EGFR: variants seen among roughly 807,000 people sequenced by gnomAD.
The protein encoded by EGFR is avian erythroblastic leukemia viral (v-erb-b) oncogene homolog.
In EGFR, 58 loss-of-function variants were observed where a neutral mutation model predicts 143.0. The ratio of observed to expected loss-of-function variants is 0.41; its 90% CI spans 0.33 to 0.50. EGFR has a LOEUF of 0.50. Among genes scored for constraint, EGFR ranks in the 20% least tolerant of loss-of-function variants. The probability of loss-of-function intolerance (pLI) is 0.39; values close to 1 mark genes in which losing one functional copy is unlikely to be tolerated. For synonymous variants in EGFR, 613 were observed against 594.4 expected (o/e 1.03, Z -0.45); for missense variants, 1,307 against 1,579.0 (o/e 0.83, Z 2.92).
In EGFR at chr7:55,200,384, C is replaced by T. The variant is rs748491031; in HGVS notation, c.2917C>T (p.Arg973Ter). ...ELIIEFSKMA[R>*]DPQRYLVIQG... ...GATCATCGAATTCTCCAAAATGGCC[C>T]GAGACCCCCAGCGCTACCTTGTCAT... Residue 973 changes from arginine to a stop codon, truncating the protein, a stop_gained, in exon 24 of 28, where the codon CGA becomes TGA. Transcript: ENST00000275493. LOFTEE classifies it high-confidence loss of function. 1.2e-6 allele frequency: 2 copies of T among 1,613,988 alleles called. No homozygotes were observed. The highest frequency in any genetic ancestry group is 1.3e-5 in the African/African-American group (1 of 74,876).
chr7:55,155,131 G>A (rs976337262), intron 7 of EGFR, among the ~76,000 whole-genome samples: 3 of 152,198 alleles, frequency 2.0e-5, no homozygotes, highest in East Asian at 1.9e-4. Context: ...GGATCTTCTT[G>A]GGGAACTTAA....
chr7:55,023,574 C>A (rs1323943377), intron 1 of EGFR, among the ~76,000 whole-genome samples: 2 of 148,966 alleles, frequency 1.3e-5, no homozygotes, highest in African/African-American at 5.0e-5. Context: ...TTGCTTGAAC[C>A]CAGGAGGCAG....
At chr7:55,062,149 A>T (rs1789222384) in intron 1 of EGFR, among the ~76,000 whole-genome samples, 1 of 152,202 alleles carries the variant, frequency 6.6e-6, no homozygotes, top group Admixed American at 6.5e-5. Flanking sequence ...GGCTAGAAAG[A>T]TGGGGAAGGA....
In EGFR at chr7:55,176,720, A is replaced by G. The variant is rs891431659; in HGVS notation, c.2283+1900A>G. 1.5e-4 allele frequency among the ~76,000 whole-genome samples: 22 copies of G among 151,298 alleles called. No individual in the cohort carries two copies. In the East Asian group the frequency reaches 3.9e-3, roughly 27 times the overall value. On this transcript the variant is annotated intron_variant, in intron 19 of 27. Transcript: ENST00000275493. ...AAAGCAAGACCCTGCTCAAAAAAAT[A>G]GTTAGATATAAATATTAATATAGAT...
chr7:55,127,121 G>C (rs1793572768), intron 1 of EGFR, among the ~76,000 whole-genome samples: 2 of 152,174 alleles, frequency 1.3e-5, no homozygotes, highest in Admixed American at 6.5e-5. Flanking sequence ...GTGACATTTT[G>C]GGTTTTGTAT....
At position 55,201,369 on chromosome 7, in the gene EGFR, G is replaced by C. The variant is rs1455720137; in HGVS notation, c.3114+14G>C. 1.2e-6 allele frequency: 2 copies of C among 1,605,684 alleles called. No homozygotes were observed. The highest frequency in any genetic ancestry group is 1.7e-4 in the Middle Eastern group (1 of 6,028). On this transcript the variant is annotated intron_variant, in intron 25 of 27. Coordinates refer to ENST00000275493, the MANE Select transcript of EGFR (RefSeq NM_005228.5). Reference sequence around the variant, plus strand: ...CTGAGCTCTCTGGTATGAAATCTCTGTCTCTCTCTCTCTCTCAAGCTGTGT... The same window carrying C: ...CTGAGCTCTCTGGTATGAAATCTCTCTCTCTCTCTCTCTCTCAAGCTGTGT...
chr7:55,202,495 C>T (rs371644407), intron 26 of EGFR, 22 bp from the exon 27 acceptor site: 2 of 1,582,050 alleles, frequency 1.3e-6, no homozygotes, highest in East Asian at 2.3e-5. Context: ...CCGGAGTAAC[C>T]TTCCCTCATT....
At chr7:55,168,401 T>G (rs946679222) in intron 15 of EGFR, 7 of 742,442 alleles carry the variant, frequency 9.4e-6, no homozygotes, top group African/African-American at 1.7e-5. Context: ...GGTTTTGGCA[T>G]TTTCAATACA....
intron 13 of EGFR, 22 bp downstream of exon 13, chr7:55,161,653 C>A (rs1785711759): frequency 6.2e-7 from 1 of 1,614,200 alleles, no homozygotes; most frequent in African/African-American, 1.3e-5. Context: ...TTTCTTTAAT[C>A]CCCTTGCGTT....
chr7:55,068,621 C>T (rs555051060), intron 1 of EGFR, among the ~76,000 whole-genome samples: 26 of 152,236 alleles, frequency 1.7e-4, no homozygotes, highest in Non-Finnish European at 3.2e-4. Flanking sequence ...ATCTTCTCTG[C>T]AGCCCTTACT....
rs1790646285 is a variant in EGFR, at chr7:55,084,506, A to G, written c.89-57780A>G. On this transcript the variant is annotated intron_variant, in intron 1 of 27. Coordinates refer to ENST00000275493, the MANE Select transcript of EGFR (RefSeq NM_005228.5). ...TTTGGGATGTTAATTACATCTGCAC[A>G]ACTTCAACTTTGCCATATAACCTAA... is the stretch of plus-strand genomic sequence containing the variant. Among the ~76,000 whole-genome samples, 3 of 152,250 alleles carry G rather than the reference A, an allele frequency of 2.0e-5. No homozygotes were observed. In the South Asian group the frequency reaches 6.2e-4, roughly 31 times the overall value.
At chr7:55,153,977 C>T (rs781763003) in intron 6 of EGFR, 34 bp from the exon 7 acceptor site, 69 of 1,614,156 alleles carry the variant, frequency 4.3e-5, no homozygotes, top group Non-Finnish European at 4.9e-5. Flanking sequence ...GTGTACTTAC[C>T]TCACTTGCCC....
intron 2 of EGFR, among the ~76,000 whole-genome samples, chr7:55,142,868 C>G (rs925283656): frequency 6.6e-6 from 1 of 152,168 alleles, no homozygotes; most frequent in Non-Finnish European, 1.5e-5. Context: ...CGCTAATGAC[C>G]CCATAGGAGC....
At chr7:55,168,488 G>A (rs371705827) in intron 15 of EGFR, 1 of 1,173,722 alleles carries the variant, frequency 8.5e-7, no homozygotes, top group East Asian at 2.3e-5. Context: ...AAATGTTAGT[G>A]GTCATTTTTC....
At chr7:55,086,795 A>G (rs1188943899) in intron 1 of EGFR, among the ~76,000 whole-genome samples, 2 of 152,224 alleles carry the variant, frequency 1.3e-5, no homozygotes, top group Non-Finnish European at 2.9e-5. Flanking sequence ...CCATGGGAGA[A>G]CAGACTTTCT....
intron 8 of EGFR, 70 bp from the exon 9 acceptor site, chr7:55,156,463 G>A (rs1185560330): frequency 6.2e-7 from 1 of 1,605,370 alleles, no homozygotes. Context: ...GCTTCCCTCT[G>A]CCTGTGGATC....
At position 55,192,756 on chromosome 7, in the gene EGFR, C is replaced by T. The variant is rs2128965454; in HGVS notation, c.2626-10C>T. On this transcript the variant is annotated splice_polypyrimidine_tract_variant and intron_variant, in intron 21 of 27. Transcript: ENST00000275493. ...AGTTGTCTCACTGCCTCATCTCTCA[C>T]CATCCCAAGGTGCCTATCAAGTGGA... 1.9e-6 allele frequency: 3 copies of T among 1,613,568 alleles called. No individual in the cohort carries two copies. Among genetic ancestry groups the T allele is most frequent in the Non-Finnish European group, 2.5e-6 (3 of 1,179,478 alleles).
chr7:55,142,576 T>C, intron 2 of EGFR, 139 bp downstream of exon 2: 1 of 1,083,498 alleles, frequency 9.2e-7, no homozygotes, highest in Admixed American at 2.0e-5. Context: ...ACGAGAGTTT[T>C]ATGAGAAAGC....
intron 1 of EGFR, among the ~76,000 whole-genome samples, chr7:55,023,442 G>A (rs1038334834): frequency 1.3e-5 from 2 of 152,042 alleles, no homozygotes; most frequent in Non-Finnish European, 2.9e-5. Context: ...GAAGCCAGGA[G>A]TTTGAGACCA....
Sources: allele counts gnomAD v4.1 joint callset (sites outside exome capture counted in the v4.1 genomes callset), GRCh38; gene constraint gnomAD v4.1.1; transcripts MANE v1.5; gene names NCBI Gene and HGNC (gene_info 2026-07-23, HGNC 2026-07-21).